GGA2: variants seen among roughly 807,000 people sequenced by gnomAD.
GGA2 encodes the protein golgi associated, gamma adaptin ear containing, ARF binding protein 2, also known as ADP-ribosylation factor-binding protein GGA2.
A neutral mutation model predicts 79.5 loss-of-function variants in GGA2; 48 were observed. The observed-to-expected ratio is 0.60, with a 90% CI of 0.48 to 0.77. The LOEUF is 0.77. GGA2 is among the 30% of genes least tolerant of loss of function. The pLI, the probability that GGA2 is intolerant of heterozygous loss-of-function variation, is 0.00. For synonymous variants in GGA2, 317 were observed against 302.0 expected, an observed-to-expected ratio of 1.05 and a Z score of -0.51; for missense variants, 770 against 774.0, an observed-to-expected ratio of 0.99 and a Z score of 0.06.
chr16:23,488,527 C>A (rs1964743424), intron 6 of GGA2, 79 bp downstream of exon 6: 2 of 859,104 alleles, frequency 2.3e-6, no homozygotes, highest in Non-Finnish European at 4.0e-6. Context: ...CCTCCATACT[C>A]CGATTCAAGC....
chr16:23,471,203 TACAA>T (rs2142113426), intron 14 of GGA2, among the ~76,000 whole-genome samples: 1 of 152,074 alleles, frequency 6.6e-6, no homozygotes, highest in Non-Finnish European at 1.5e-5. Context: ...TTTATATGAG[TACAA>T]ACACACACAT....
At chr16:23,510,613 C>G (rs1596998956), upstream of GGA2, 1 of 380,542 alleles carries the variant, frequency 2.6e-6, no homozygotes, top group African/African-American at 2.1e-5. Context: ...CCACCCAGCG[C>G]TGGTCTTCTA....
chr16:23,467,497 G>A lies in GGA2; in HGVS notation c.*93C>T, dbSNP rs1321985900. On this transcript the variant is annotated 3_prime_UTR_variant, in exon 17 of 17. Transcript: ENST00000309859. ...GCCTGACGTCAGGATAGGACTCTTGGCACTCCGCACTGAAACACCGTGATT... is the reference window on the plus strand; with the variant it reads ...GCCTGACGTCAGGATAGGACTCTTGACACTCCGCACTGAAACACCGTGATT... The A allele has an allele frequency of 4.3e-6, 3 of 701,386 alleles. No individual in the cohort carries two copies. The highest frequency in any genetic ancestry group is 7.8e-6 in the Non-Finnish European group (3 of 383,364). 43.4% of individuals were successfully genotyped at this position (701,386 alleles called of 1,614,324 possible).
At chr16:23,485,463 C>T (rs1174161318) in intron 8 of GGA2, among the ~76,000 whole-genome samples, 1 of 152,212 alleles carries the variant, frequency 6.6e-6, no homozygotes, top group Non-Finnish European at 1.5e-5. Flanking sequence ...AGCTTAGCCA[C>T]TTTGTTTCCT....
intron 1 of GGA2, among the ~76,000 whole-genome samples, chr16:23,507,448 T>G (rs1964985549): frequency 6.6e-6 from 1 of 152,176 alleles, no homozygotes; most frequent in Non-Finnish European, 1.5e-5. Flanking sequence ...ACAAACATGG[T>G]GAAACCCTAT....
chr16:23,485,855 A>G (rs1964704790), intron 8 of GGA2, among the ~76,000 whole-genome samples, 160 bp downstream of exon 8: 1 of 152,214 alleles, frequency 6.6e-6, no homozygotes, highest in Non-Finnish European at 1.5e-5. Context: ...GGAGCAAGGG[A>G]CAGACAAAGG....
At chr16:23,513,830 A>C (rs951190436), upstream of GGA2, among the ~76,000 whole-genome samples, 4 of 151,686 alleles carry the variant, frequency 2.6e-5, no homozygotes, top group Admixed American at 6.6e-5. Flanking sequence ...AAAGAAAAGA[A>C]AAAAAAAGCA....
intron 8 of GGA2, among the ~76,000 whole-genome samples, chr16:23,484,724 G>A (rs1011856052): frequency 2.0e-4 from 30 of 152,298 alleles, no homozygotes; most frequent in Middle Eastern, 6.8e-3. Context: ...AGCAAATGTT[G>A]GCAGGATGCA....
At position 23,486,033 on chromosome 16, in the gene GGA2, G is replaced by A. The variant is rs773097267; in HGVS notation, c.780C>T (p.Pro260=). Residue 260 remains proline, a synonymous_variant, in exon 8 of 17, where the codon CCC becomes CCT. Transcript: ENST00000309859. ...GTATTACCTGCAGGGCCTCCTGGTCGGGCGGGGCCTGCCCTGGCCTGCGGT... is the reference window on the plus strand; with the variant it reads ...GTATTACCTGCAGGGCCTCCTGGTCAGGCGGGGCCTGCCCTGGCCTGCGGT... ...SMYRRPGQAP[P]DQEALQVVYE... 2.0e-5 allele frequency: 33 copies of A among 1,613,910 alleles called. No individual in the cohort carries two copies. Among genetic ancestry groups the A allele is most frequent in the African/African-American group, 2.7e-5 (2 of 74,920 alleles).
chr16:23,499,111 CA>C (rs1178538216), intron 1 of GGA2, among the ~76,000 whole-genome samples: 6 of 149,930 alleles, frequency 4.0e-5, no homozygotes, highest in Admixed American at 3.3e-4. Flanking sequence ...CCCTGGCTGC[CA>C]AGTGAAAGAG....
Position 23,466,695 on chromosome 16 carries a change from A to C in GGA2, c.*895T>G, listed in dbSNP as rs1023579312. The stretch of plus-strand genomic sequence containing the variant: ...TCTGTACCACAGTTTCCCATCTTAG[A>C]CTGTGACGTCAGCTGGCAAGGGCTG... On this transcript the variant is annotated 3_prime_UTR_variant, in exon 17 of 17. Transcript: ENST00000309859. 6.6e-6 allele frequency: 1 copy of C among 152,556 alleles called. No individual in the cohort carries two copies. Among genetic ancestry groups the C allele is most frequent in the Non-Finnish European group, 1.5e-5 (1 of 68,106 alleles). The allele number at this position is 152,556 out of a possible 1,614,324, so 9.5% of individuals were successfully genotyped here. A position where few individuals can be genotyped will look rare whatever the true frequency, so the allele number is the denominator to read the frequency against.
chr16:23,469,001 CA>C lies in GGA2; in HGVS notation c.1621-6del, dbSNP rs1329275088. 5 of 1,578,578 alleles carry C rather than the reference CA, an allele frequency of 3.2e-6. No homozygotes were observed. The highest frequency in any genetic ancestry group is 1.7e-5 in the Admixed American group (1 of 59,920). Reference sequence around the variant, plus strand: ...CTGCAGCTTCACTCTCATTGACTATCAGGGGAAGAAAACCAACATGTAACTC... The same window carrying C: ...CTGCAGCTTCACTCTCATTGACTATCGGGGAAGAAAACCAACATGTAACTC... On this transcript the variant is annotated splice_region_variant and splice_polypyrimidine_tract_variant and intron_variant, in intron 15 of 16. Coordinates refer to ENST00000309859, the MANE Select transcript of GGA2 (RefSeq NM_015044.4).
intron 1 of GGA2, among the ~76,000 whole-genome samples, chr16:23,508,232 A>G (rs1023289119): frequency 2.6e-5 from 4 of 151,824 alleles, no homozygotes; most frequent in African/African-American, 9.7e-5. Flanking sequence ...ACACATGGCT[A>G]TTTTTTGTAT....
chr16:23,494,694 T>A (rs1256922180), intron 2 of GGA2, among the ~76,000 whole-genome samples: 3 of 152,154 alleles, frequency 2.0e-5, no homozygotes. Context: ...ACAGGCCCTG[T>A]ATGGCTGTGA....
upstream of GGA2, among the ~76,000 whole-genome samples, chr16:23,513,026 AT>A (rs1407063662): frequency 6.6e-6 from 1 of 151,972 alleles, no homozygotes; most frequent in Non-Finnish European, 1.5e-5. Flanking sequence ...TTTAATACAT[AT>A]TTATCTCTTG....
chr16:23,484,629 GAAAT>G (rs768354615), intron 8 of GGA2, among the ~76,000 whole-genome samples: 4 of 152,176 alleles, frequency 2.6e-5, no homozygotes, highest in Non-Finnish European at 4.4e-5. Flanking sequence ...ATGAGCATAG[GAAAT>G]AAATAAGCCA....
rs1964440384 is a variant in GGA2, at chr16:23,466,624, A to G, written c.*966T>C. ...TACATGGTATTTATTCAATGACTGT[A>G]TATTTAGTCACCACCTCAATCACTG... On this transcript the variant is annotated 3_prime_UTR_variant, in exon 17 of 17. Coordinates refer to ENST00000309859, the MANE Select transcript of GGA2 (RefSeq NM_015044.4). 1 of 152,222 alleles carries G rather than the reference A, an allele frequency of 6.6e-6. No individual in the cohort carries two copies. The highest frequency in any genetic ancestry group is 1.5e-5 in the Non-Finnish European group (1 of 68,044). 9.4% of individuals were successfully genotyped at this position (152,222 alleles called of 1,614,324 possible).
chr16:23,472,350 C>G (rs138375589), intron 14 of GGA2, among the ~76,000 whole-genome samples: 12,827 of 151,492 alleles, frequency 0.085, 965 homozygotes, highest in African/African-American at 0.2. Context: ...CCCACCACCA[C>G]GCCTGGCTAA....
chr16:23,468,456 G>A (rs929612563), intron 16 of GGA2, among the ~76,000 whole-genome samples: 2 of 150,592 alleles, frequency 1.3e-5, no homozygotes, highest in Non-Finnish European at 2.9e-5. Flanking sequence ...GATTACAGGC[G>A]TGAGCCACTG....
Sources: allele counts gnomAD v4.1 joint callset (sites outside exome capture counted in the v4.1 genomes callset), GRCh38; gene constraint gnomAD v4.1.1; transcripts MANE v1.5; gene names NCBI Gene and HGNC (gene_info 2026-07-23, HGNC 2026-07-21).